ADAMTS18: variants seen among roughly 807,000 people sequenced by gnomAD.
The protein encoded by ADAMTS18 is A disintegrin and metalloproteinase with thrombospondin motifs 18.
Under a neutral mutation model 165.9 loss-of-function variants are expected in ADAMTS18, and 157 were observed. The ratio of observed to expected loss-of-function variants is 0.95; its 90% confidence interval spans 0.83 to 1.08. ADAMTS18 has a LOEUF of 1.08. ADAMTS18 is among the 50% of genes least tolerant of loss of function. The pLI is 0.00. For missense variants in ADAMTS18, 2,040 were observed against 1,534.0 expected, an observed-to-expected ratio of 1.33 and a Z score of -5.51; for synonymous variants, 782 against 578.2, an observed-to-expected ratio of 1.35 and a Z score of -5.06.
At chr16:77,298,985 GGA>G (rs1311775737) in intron 17 of ADAMTS18, among the ~76,000 whole-genome samples, 2 of 152,200 alleles carry the variant, frequency 1.3e-5, no homozygotes. Flanking sequence ...CCTCTTGGCT[GGA>G]TTTAGATTCT....
chr16:77,285,076 A>G (rs540135300), intron 22 of ADAMTS18, among the ~76,000 whole-genome samples: 3 of 152,300 alleles, frequency 2.0e-5, no homozygotes, highest in Admixed American at 6.5e-5. Context: ...TTCACTGTAC[A>G]TCAAGAATTC....
chr16:77,329,084 T>A (rs1415466136), intron 12 of ADAMTS18, among the ~76,000 whole-genome samples: 1 of 151,948 alleles, frequency 6.6e-6, no homozygotes, highest in African/African-American at 2.4e-5. Flanking sequence ...GCTGGCCTTT[T>A]ACAATGAGGG....
At chr16:77,357,892 T>A (rs2144723180) in intron 8 of ADAMTS18, among the ~76,000 whole-genome samples, 1 of 152,340 alleles carries the variant, frequency 6.6e-6, no homozygotes, top group South Asian at 2.1e-4. Context: ...ACCTGAAGAA[T>A]ATGTTCTGCT....
chr16:77,429,959 G>A (rs2057718519), intron 3 of ADAMTS18, among the ~76,000 whole-genome samples: 1 of 152,116 alleles, frequency 6.6e-6, no homozygotes, highest in African/African-American at 2.4e-5. Context: ...TTTGTCTAAG[G>A]TCCTATGAGT....
Position 77,367,688 on chromosome 16 carries a change from G to A in ADAMTS18, c.531C>T (p.Leu177=). ...GLIRTRKNEF[L]ISPLPQLLAQ... ...CCAGAAGCTGAGGTAATGGCGAGAT[G>A]AGGAATTCATTTTTTCGTGTCCTTA... The change falls in exon 4 of 23, where the codon CTC becomes CTT. Residue 177 remains leucine, a synonymous_variant. Transcript: ENST00000282849. 1 of 1,614,178 alleles carries A rather than the reference G, an allele frequency of 6.2e-7. No homozygotes were observed. Among genetic ancestry groups the A allele is most frequent in the Non-Finnish European group, 8.5e-7 (1 of 1,180,018 alleles).
intron 14 of ADAMTS18, 69 bp downstream of exon 14, chr16:77,322,267 T>C (rs2056014509): frequency 6.3e-7 from 1 of 1,589,542 alleles, no homozygotes; most frequent in Admixed American, 1.7e-5. Context: ...CACACCACTG[T>C]TCACGGTACA....
chr16:77,416,398 G>C (rs150788177), intron 3 of ADAMTS18, among the ~76,000 whole-genome samples: 20 of 152,244 alleles, frequency 1.3e-4, no homozygotes, highest in African/African-American at 4.3e-4. Context: ...ATGTCACCTT[G>C]AATTGTAATA....
chr16:77,295,724 C>T (rs2144579631), intron 18 of ADAMTS18, among the ~76,000 whole-genome samples: 1 of 152,258 alleles, frequency 6.6e-6, no homozygotes, highest in East Asian at 1.9e-4. Context: ...TTTCTGATTA[C>T]ACCTGAATTT....
intron 3 of ADAMTS18, among the ~76,000 whole-genome samples, chr16:77,385,710 T>G (rs1486787358): frequency 6.6e-6 from 1 of 152,136 alleles, no homozygotes. Flanking sequence ...ATTGGGCAGG[T>G]GCACAGTGGA....
intron 3 of ADAMTS18, among the ~76,000 whole-genome samples, chr16:77,399,290 G>T (rs1198301510): frequency 1.3e-5 from 2 of 152,214 alleles, no homozygotes; most frequent in Admixed American, 1.3e-4. Flanking sequence ...TGGTGAGGAT[G>T]AAGCAGACAA....
intron 7 of ADAMTS18, among the ~76,000 whole-genome samples, chr16:77,361,082 A>G (rs2056706030): frequency 8.3e-6 from 1 of 120,394 alleles, no homozygotes; most frequent in Admixed American, 7.8e-5. Context: ...ACAAGACACC[A>G]TCTCAAAAAA....
intron 8 of ADAMTS18, among the ~76,000 whole-genome samples, chr16:77,357,401 G>A (rs900895415): frequency 6.6e-6 from 1 of 152,128 alleles, no homozygotes; most frequent in Admixed American, 6.5e-5. Context: ...TATACTCAGT[G>A]AAAGCATTTT....
intron 11 of ADAMTS18, among the ~76,000 whole-genome samples, chr16:77,336,585 A>G (rs1371931803): frequency 6.6e-6 from 1 of 152,086 alleles, no homozygotes; most frequent in Non-Finnish European, 1.5e-5. Context: ...GATGACTTTG[A>G]GCTCTTGCAG....
rs1409773275 is a variant in ADAMTS18 at position 77,297,366 on chromosome 16, G to C, written c.2724C>G (p.Val908=). The C allele has an allele frequency of 2.5e-6, 4 of 1,613,712 alleles. No individual in the cohort carries two copies. The highest frequency in any genetic ancestry group is 3.4e-6 in the Non-Finnish European group (4 of 1,179,628). Residue 908 remains valine, a synonymous_variant, in exon 18 of 23, where the codon GTC becomes GTG. Transcript: ENST00000282849. ...TTTTTGCACTGCAGAATGAGGAATTGACTTGAGTATTTTGATCTCGCAAGC... is the reference window on the plus strand; with the variant it reads ...TTTTTGCACTGCAGAATGAGGAATTCACTTGAGTATTTTGATCTCGCAAGC... The part of the protein sequence containing the change: ...AICLRDQNTQ[V]NSSFCSAKTK...
At chr16:77,420,480 G>C (rs983929178) in intron 3 of ADAMTS18, among the ~76,000 whole-genome samples, 1 of 152,138 alleles carries the variant, frequency 6.6e-6, no homozygotes, top group Non-Finnish European at 1.5e-5. Flanking sequence ...CTGAGCATAA[G>C]CGTCTGTGTT....
chr16:77,325,581 C>G (rs1253173580), intron 13 of ADAMTS18, among the ~76,000 whole-genome samples: 1 of 151,276 alleles, frequency 6.6e-6, no homozygotes, highest in Admixed American at 6.6e-5. Flanking sequence ...GACTTAATTG[C>G]CAAAATGTCA....
intron 15 of ADAMTS18, among the ~76,000 whole-genome samples, chr16:77,320,833 T>C (rs113076476): frequency 9.7e-4 from 148 of 152,308 alleles, no homozygotes; most frequent in African/African-American, 3.5e-3. Flanking sequence ...TGGACATACA[T>C]GGGGCCTGGT....
At chr16:77,429,644 T>C (rs1409822868) in intron 3 of ADAMTS18, among the ~76,000 whole-genome samples, 5 of 152,190 alleles carry the variant, frequency 3.3e-5, no homozygotes, top group East Asian at 1.9e-4. Flanking sequence ...AATTTTATGA[T>C]TCTACTCATG....
At position 77,297,494 on chromosome 16, in the gene ADAMTS18, A is replaced by G. The variant is rs1597090856; in HGVS notation, c.2675-79T>C. The G allele has an allele frequency of 3.6e-6, 5 of 1,406,370 alleles. No individual in the cohort carries two copies. In the East Asian group the frequency reaches 1.1e-4, roughly 32 times the overall value. The allele number at this position is 1,406,370 out of a possible 1,614,324, so 87.1% of individuals were successfully genotyped here. On this transcript the variant is annotated intron_variant, in intron 17 of 22. Transcript: ENST00000282849. ...TGGTTCTAAGTTTAGCTTCTGATTTACCAGCATTGTGATATTTTATTTCAG... is the reference window on the plus strand; with the variant it reads ...TGGTTCTAAGTTTAGCTTCTGATTTGCCAGCATTGTGATATTTTATTTCAG...
Sources: allele counts gnomAD v4.1 joint callset (sites outside exome capture counted in the v4.1 genomes callset), GRCh38; gene constraint gnomAD v4.1.1; transcripts MANE v1.5; gene names NCBI Gene and HGNC (gene_info 2026-07-23, HGNC 2026-07-21).